Variants in SLC24A4 observed in about 807,000 individuals in gnomAD.
SLC24A4 encodes solute carrier family 24 member 4.
SLC24A4 carries 53 observed loss-of-function variants against 79.0 expected under a neutral mutation model. The ratio of observed to expected loss-of-function variants is 0.67; its 90% CI spans 0.54 to 0.84. SLC24A4 has a LOEUF of 0.84. Ranked by LOEUF, SLC24A4 falls within the 40% of genes least tolerant of loss-of-function variation. The pLI, the probability that SLC24A4 is intolerant of heterozygous loss-of-function variation, is 0.00. For missense variants in SLC24A4, 731 were observed against 822.0 expected (o/e 0.89, Z 1.35); for synonymous variants, 323 against 323.8 (o/e 1.00, Z 0.03).
At chr14:92,367,038 G>A (rs1002715455) in intron 2 of SLC24A4, among the ~76,000 whole-genome samples, 2 of 152,286 alleles carry the variant, frequency 1.3e-5, no homozygotes, top group Admixed American at 6.5e-5. Context: ...TTCCAGAAGC[G>A]GAGTGAGGGA....
intron 2 of SLC24A4, among the ~76,000 whole-genome samples, chr14:92,367,670 C>T (rs1043978195): frequency 4.6e-5 from 7 of 152,200 alleles, no homozygotes; most frequent in Admixed American, 1.3e-4. Context: ...AGGAAAGGAT[C>T]GGGGTGGCTC....
At chr14:92,361,456 T>G (rs779290355) in intron 2 of SLC24A4, among the ~76,000 whole-genome samples, 25 of 151,356 alleles carry the variant, frequency 1.7e-4, no homozygotes, top group Middle Eastern at 3.2e-3. Flanking sequence ...GGTTGCCACC[T>G]AAGTCACCTT....
intron 16 of SLC24A4, 132 bp downstream of exon 16, chr14:92,492,372 A>G: frequency 1.3e-6 from 1 of 784,402 alleles, no homozygotes; most frequent in Non-Finnish European, 2.1e-6. Flanking sequence ...AAGAAAATGT[A>G]GACGTTCATA....
chr14:92,377,498 T>C lies in SLC24A4; in HGVS notation c.241+51520T>C, dbSNP rs150472523. ...TTGAAGATGAGGTGCAGTACCCATG[T>C]AGGAGAGAGGTGGGAAGGGTTTTCT... On this transcript the variant is annotated intron_variant, in intron 2 of 16. Coordinates refer to ENST00000532405, the MANE Select transcript of SLC24A4 (RefSeq NM_153646.4). 6.4e-3 allele frequency among the ~76,000 whole-genome samples: 967 copies of C among 152,162 alleles called. 10 individuals carry two copies. Among genetic ancestry groups the C allele is most frequent in the African/African-American group, 0.022 (924 of 41,518 alleles).
rs1165055119 is a variant in SLC24A4 at position 92,325,936 on chromosome 14, C to T, written c.199C>T (p.Pro67Ser). Residue 67 changes from proline to serine, a missense_variant, in exon 2 of 17, where the codon CCA becomes TCA. Transcript: ENST00000532405. ...DTWRNRKLMA[P>S]VNGTQTAKNC... Reference sequence around the variant, plus strand: ...GTGGAGAAATAGAAAGTTGATGGCCCCAGTGAATGGGACACAGACAGCCAA... The same window carrying T: ...GTGGAGAAATAGAAAGTTGATGGCCTCAGTGAATGGGACACAGACAGCCAA... 6.2e-7 allele frequency: 1 copy of T among 1,613,008 alleles called. No individual in the cohort carries two copies. Among genetic ancestry groups the T allele is most frequent in the Non-Finnish European group, 8.5e-7 (1 of 1,179,524 alleles).
chr14:92,347,257 T>C (rs1179202198), intron 2 of SLC24A4, among the ~76,000 whole-genome samples: 1 of 152,192 alleles, frequency 6.6e-6, no homozygotes, highest in East Asian at 1.9e-4. Flanking sequence ...TGTCCCACAT[T>C]GGCTTATTTC....
chr14:92,323,902 C>G lies in SLC24A4; in HGVS notation c.72C>G (p.Gly24=), dbSNP rs750860019. The change falls in exon 1 of 17, where the codon GGC becomes GGG. Residue 24 remains glycine (G), a synonymous_variant. Coordinates refer to ENST00000532405, the MANE Select transcript of SLC24A4 (RefSeq NM_153646.4). The surrounding 1 kb of genome is among the most constrained non-coding windows in gnomAD (Gnocchi z 4.9). ...GAGAGATGCTGCCGCAGCAAGTCGGCTTCGTGTGCGCGGTGCTGGCCCTGG... is the reference window on the plus strand; with the variant it reads ...GAGAGATGCTGCCGCAGCAAGTCGGGTTCGTGTGCGCGGTGCTGGCCCTGG... ...RRREMLPQQV[G]FVCAVLALVC... 9 of 1,609,678 alleles carry G rather than the reference C, an allele frequency of 5.6e-6. No individual in the cohort carries two copies. The highest frequency in any genetic ancestry group is 7.6e-6 in the Non-Finnish European group (9 of 1,179,766).
intron 2 of SLC24A4, among the ~76,000 whole-genome samples, chr14:92,327,212 T>C (rs1885195707): frequency 6.6e-6 from 1 of 152,198 alleles, no homozygotes; most frequent in African/African-American, 2.4e-5. Context: ...TGCTATCAGC[T>C]TCCCTGCCCT....
At chr14:92,354,007 G>A (rs1055983829) in intron 2 of SLC24A4, among the ~76,000 whole-genome samples, 3 of 152,178 alleles carry the variant, frequency 2.0e-5, no homozygotes, top group African/African-American at 7.2e-5. Context: ...AATTGCCTCC[G>A]GTTTTGTGTC....
chr14:92,392,663 C>G (rs375513192), intron 2 of SLC24A4, among the ~76,000 whole-genome samples: 13 of 152,258 alleles, frequency 8.5e-5, no homozygotes, highest in African/African-American at 2.2e-4. Flanking sequence ...ATGTTGGTGT[C>G]CCCCAAATCC....
At chr14:92,354,388 T>C (rs1283559698) in intron 2 of SLC24A4, among the ~76,000 whole-genome samples, 1 of 152,172 alleles carries the variant, frequency 6.6e-6, no homozygotes. Context: ...CCTGACCTCG[T>C]GATCTGCCCG....
At chr14:92,362,294 C>G (rs1887577896) in intron 2 of SLC24A4, among the ~76,000 whole-genome samples, 1 of 152,054 alleles carries the variant, frequency 6.6e-6, no homozygotes, top group African/African-American at 2.4e-5. Flanking sequence ...TTCCAAGATG[C>G]CTGAATGGAG....
intron 1 of SLC24A4, 27 bp from the exon 2 acceptor site, chr14:92,325,841 G>GT: frequency 2.1e-6 from 3 of 1,428,474 alleles, no homozygotes; most frequent in Non-Finnish European, 2.9e-6. Flanking sequence ...TGACCTAATG[G>GT]TATCTGTGAC....
chr14:92,409,683 C>G (rs775384719), intron 2 of SLC24A4, among the ~76,000 whole-genome samples: 1 of 152,128 alleles, frequency 6.6e-6, no homozygotes, highest in Non-Finnish European at 1.5e-5. Flanking sequence ...ACAACACAGA[C>G]TAGTTTTGGG....
intron 12 of SLC24A4, chr14:92,457,687 A>C (rs559091987): frequency 6.6e-6 from 1 of 152,640 alleles, no homozygotes; most frequent in South Asian, 2.1e-4. Context: ...TGGAGTCCTC[A>C]GTGGGAAACA....
intron 11 of SLC24A4, among the ~76,000 whole-genome samples, chr14:92,455,332 A>C (rs1038620729): frequency 6.6e-6 from 1 of 152,246 alleles, no homozygotes; most frequent in Non-Finnish European, 1.5e-5. Context: ...TGCAGTCTTC[A>C]TAACAACCAA....
intron 2 of SLC24A4, chr14:92,408,521 C>A (rs1330580635): frequency 2.7e-6 from 2 of 734,104 alleles, no homozygotes; most frequent in Non-Finnish European, 3.3e-6. Context: ...TAGAAAACCT[C>A]CCGTGGATTG....
At chr14:92,348,757 T>C (rs1886687151) in intron 2 of SLC24A4, among the ~76,000 whole-genome samples, 1 of 152,242 alleles carries the variant, frequency 6.6e-6, no homozygotes, top group African/African-American at 2.4e-5. Context: ...TCTTCTGATG[T>C]GCATGGGGAA....
intron 7 of SLC24A4, 70 bp downstream of exon 7, chr14:92,443,544 C>G: frequency 6.7e-7 from 1 of 1,483,908 alleles, no homozygotes; most frequent in Admixed American, 1.7e-5. Flanking sequence ...CCCTGCCCAT[C>G]TCTGCCCCTG....
Sources: allele counts gnomAD v4.1 joint callset (sites outside exome capture counted in the v4.1 genomes callset), GRCh38; gene constraint gnomAD v4.1.1; non-coding constraint Gnocchi (gnomAD v3.1); transcripts MANE v1.5; gene names NCBI Gene and HGNC (gene_info 2026-07-23, HGNC 2026-07-21).